UGGT2: variants seen among roughly 807,000 people sequenced by gnomAD.
UGGT2 encodes the protein UDP-glucose glycoprotein glucosyltransferase 2.
A neutral mutation model predicts 192.1 loss-of-function variants in UGGT2; 180 were observed. The ratio of observed to expected loss-of-function variants is 0.94; its 90% confidence interval spans 0.83 to 1.06. UGGT2 has a LOEUF of 1.06. Ranked by LOEUF, UGGT2 falls within the 50% of genes least tolerant of loss-of-function variation. The pLI is 0.00. For missense variants in UGGT2, 1,849 were observed against 1,795.7 expected, an observed-to-expected ratio of 1.03 and a Z score of -0.54; for synonymous variants, 580 against 591.0, an observed-to-expected ratio of 0.98 and a Z score of 0.27.
chr13:95,805,762 G>A (rs757378580), intron 38 of UGGT2, among the ~76,000 whole-genome samples: 27 of 152,192 alleles, frequency 1.8e-4, no homozygotes, highest in Non-Finnish European at 3.1e-4. Flanking sequence ...TGTTTGCCAG[G>A]GGCAGGGAGA....
At chr13:96,013,243 C>T (rs529590647) in intron 5 of UGGT2, 64 bp downstream of exon 5, 23 of 1,437,098 alleles carry the variant, frequency 1.6e-5, no homozygotes, top group Admixed American at 7.8e-5. Context: ...TCTAGTAAGA[C>T]GATTATCATA....
At chr13:95,937,645 TG>T (rs775859587) in intron 16 of UGGT2, among the ~76,000 whole-genome samples, 11 of 152,168 alleles carry the variant, frequency 7.2e-5, no homozygotes, top group Non-Finnish European at 1.2e-4. Context: ...AACACAGGCA[TG>T]TAGAAGACTC....
intron 20 of UGGT2, among the ~76,000 whole-genome samples, chr13:95,913,413 CA>C (rs1457738825): frequency 6.6e-6 from 1 of 152,118 alleles, no homozygotes; most frequent in Non-Finnish European, 1.5e-5. Context: ...ACAACCCCAT[CA>C]AAAAGTGGGC....
intron 20 of UGGT2, 35 bp downstream of exon 20, chr13:95,925,645 A>G: frequency 7.4e-7 from 1 of 1,344,362 alleles, no homozygotes; most frequent in Non-Finnish European, 1.0e-6. Flanking sequence ...ATTGAAATAA[A>G]TTAAAATTGT....
intron 15 of UGGT2, among the ~76,000 whole-genome samples, chr13:95,944,900 CCTA>C (rs149153300): frequency 1.5e-3 from 224 of 151,944 alleles, no homozygotes; most frequent in African/African-American, 4.9e-3. Flanking sequence ...GTTGAAATAA[CCTA>C]CTACTATTAT....
At chr13:95,970,688 T>G (rs1044393029) in intron 11 of UGGT2, among the ~76,000 whole-genome samples, 14 of 152,184 alleles carry the variant, frequency 9.2e-5, no homozygotes, top group Non-Finnish European at 1.5e-5. Context: ...AGTTCACGTG[T>G]GTTTGAATAC....
At chr13:95,893,672 C>A (rs1316650006) in intron 24 of UGGT2, among the ~76,000 whole-genome samples, 1 of 151,974 alleles carries the variant, frequency 6.6e-6, no homozygotes, top group Non-Finnish European at 1.5e-5. Flanking sequence ...CTTTGACAGA[C>A]AAAAAATGGT....
intron 14 of UGGT2, 117 bp from the exon 15 acceptor site, chr13:95,947,289 G>A: frequency 9.3e-7 from 1 of 1,079,134 alleles, no homozygotes; most frequent in East Asian, 2.6e-5. Context: ...TTAATAGACA[G>A]AGAAAAGGAG....
At chr13:95,841,471 A>T (rs1257141553) in intron 36 of UGGT2, among the ~76,000 whole-genome samples, 2 of 152,144 alleles carry the variant, frequency 1.3e-5, no homozygotes, top group East Asian at 3.9e-4. Context: ...GCAGTGAGGG[A>T]GGAAGAGGTC....
chr13:95,959,474 A>G (rs1360588116), intron 12 of UGGT2, among the ~76,000 whole-genome samples: 2 of 152,108 alleles, frequency 1.3e-5, no homozygotes, highest in African/African-American at 4.8e-5. Context: ...CATGGGGCCT[A>G]AGAACCATCT....
At chr13:95,997,157 T>C (rs1437124846) in intron 6 of UGGT2, among the ~76,000 whole-genome samples, 2 of 152,168 alleles carry the variant, frequency 1.3e-5, no homozygotes, top group African/African-American at 2.4e-5. Context: ...CATTCATTCA[T>C]TGGGCAAACA....
At chr13:95,831,123 T>G (rs1886630351) in intron 38 of UGGT2, among the ~76,000 whole-genome samples, 1 of 149,988 alleles carries the variant, frequency 6.7e-6, no homozygotes, top group African/African-American at 2.5e-5. Flanking sequence ...CACTGGGGCT[T>G]GTTGTGGGGT....
intron 4 of UGGT2, among the ~76,000 whole-genome samples, chr13:96,017,683 A>G (rs564255714): frequency 6.6e-6 from 1 of 152,340 alleles, no homozygotes; most frequent in East Asian, 1.9e-4. Context: ...ATGTTTTTTT[A>G]AGTATGTCTG....
At chr13:96,016,023 G>T (rs941695128) in intron 4 of UGGT2, among the ~76,000 whole-genome samples, 2 of 152,140 alleles carry the variant, frequency 1.3e-5, no homozygotes, top group East Asian at 3.9e-4. Flanking sequence ...ATGCCCTAGG[G>T]ATCTGTGGAA....
chr13:95,822,330 T>C (rs1885593242), intron 38 of UGGT2, among the ~76,000 whole-genome samples: 1 of 152,128 alleles, frequency 6.6e-6, no homozygotes, highest in Admixed American at 6.6e-5. Flanking sequence ...CTTCTTGATT[T>C]GTGTCTTAGC....
chr13:95,931,817 T>C (rs1292742180), intron 17 of UGGT2, among the ~76,000 whole-genome samples: 2 of 151,938 alleles, frequency 1.3e-5, no homozygotes, highest in African/African-American at 2.4e-5. Flanking sequence ...CCCGCGCCTC[T>C]CCCTCCACAC....
At chr13:95,884,736 A>C in intron 26 of UGGT2, 56 bp from the exon 27 acceptor site, 1 of 1,489,166 alleles carries the variant, frequency 6.7e-7, no homozygotes, top group South Asian at 1.4e-5. Context: ...TTTTCTTTTA[A>C]AATATTTTCA....
chr13:95,827,183 A>G (rs1886136604), intron 38 of UGGT2, among the ~76,000 whole-genome samples: 1 of 152,198 alleles, frequency 6.6e-6, no homozygotes, highest in Non-Finnish European at 1.5e-5. Flanking sequence ...GCCTTTAAAT[A>G]TATGACAAGA....
At chr13:95,931,345 C>T (rs977359998) in intron 17 of UGGT2, among the ~76,000 whole-genome samples, 3 of 152,216 alleles carry the variant, frequency 2.0e-5, no homozygotes, top group East Asian at 1.9e-4. Context: ...TCTCCAAGTC[C>T]CCACTAGACT....
Sources: gnomAD v4.1 joint callset for allele counts (sites outside exome capture counted in the v4.1 genomes callset) on GRCh38, gnomAD v4.1.1 for gene constraint, MANE v1.5 for transcripts, NCBI Gene and HGNC (gene_info 2026-07-23, HGNC 2026-07-21) for gene names.